GRIK4: variants seen among roughly 807,000 people sequenced by gnomAD.
The protein encoded by GRIK4 is glutamate receptor ionotropic, kainate 4.
GRIK4 carries 40 observed loss-of-function variants against 104.9 expected under a neutral mutation model. That is an observed-to-expected ratio of 0.38 (90% confidence interval 0.30 to 0.50). The LOEUF (loss-of-function observed/expected upper bound fraction) is 0.50, where lower values mean the gene tolerates loss of function less well. Ranked by LOEUF, GRIK4 falls within the 20% of genes least tolerant of loss-of-function variation. The pLI is 0.93. For missense variants in GRIK4, 1,047 were observed against 1,308.1 expected (o/e 0.80, Z 3.08); for synonymous variants, 485 against 524.9 (o/e 0.92, Z 1.04).
intron 1 of GRIK4, among the ~76,000 whole-genome samples, chr11:120,594,956 G>A (rs970280063): frequency 6.6e-6 from 1 of 152,190 alleles, no homozygotes; most frequent in African/African-American, 2.4e-5. Context: ...CACCCCCAGC[G>A]AGGGAGACAC....
rs532867929 is a variant in GRIK4, at chr11:120,856,419, G to T, written c.745-5540G>T. 8.7e-4 allele frequency among the ~76,000 whole-genome samples: 133 copies of T among 152,296 alleles called. 1 individual carries two copies. The highest frequency in any genetic ancestry group is 3.1e-3 in the African/African-American group (127 of 41,566). ...GTGGCTAGGTATCCTAAGATCAGAG[G>T]CACGATCTCCATTAAATAGCAGCTA... On this transcript the variant is annotated intron_variant, in intron 8 of 20. Coordinates refer to ENST00000527524, the MANE Select transcript of GRIK4 (RefSeq NM_014619.5).
intron 3 of GRIK4, among the ~76,000 whole-genome samples, chr11:120,782,180 C>T (rs1418469329): frequency 6.6e-6 from 1 of 152,192 alleles, no homozygotes; most frequent in Non-Finnish European, 1.5e-5. Context: ...CTGTCTGCCT[C>T]CTCAGCTAGA....
rs748366147 is a variant in GRIK4, at chr11:120,956,810, C to T, written c.1731C>T (p.His577=). The change falls in exon 16 of 21, where the codon CAC becomes CAT. Residue 577 remains histidine, a synonymous_variant. Transcript: ENST00000527524. This position sits in a 1 kb window ranked among gnomAD's most constrained non-coding sequence, Gnocchi z 4.6. ...RLTPYEWYSP[H]PCAQGRCNLL... ...CGCCCTACGAGTGGTACAGCCCACA[C>T]CCATGTGCCCAGGGCCGGTGCAACC... The T allele has an allele frequency of 1.6e-5, 26 of 1,612,918 alleles. No individual in the cohort carries two copies. The highest frequency in any genetic ancestry group is 1.5e-4 in the Admixed American group (9 of 59,918).
intron 14 of GRIK4, among the ~76,000 whole-genome samples, chr11:120,943,493 G>T (rs1023395429): frequency 2.6e-5 from 4 of 152,128 alleles, no homozygotes; most frequent in African/African-American, 9.7e-5. Context: ...AGGAAGATCT[G>T]CTGTGGCTAA....
chr11:120,641,273 A>G (rs576771577), intron 1 of GRIK4, among the ~76,000 whole-genome samples: 1 of 152,232 alleles, frequency 6.6e-6, no homozygotes, highest in Non-Finnish European at 1.5e-5. Context: ...CTGAATTAGT[A>G]TAAAGATTTT....
chr11:120,868,918 C>G (rs1347446785), intron 9 of GRIK4: 1 of 152,182 alleles, frequency 6.6e-6, no homozygotes, highest in African/African-American at 2.4e-5. Flanking sequence ...AACTGCTTCT[C>G]CCTGACTGTA....
At chr11:120,766,964 G>A (rs913673019) in intron 3 of GRIK4, among the ~76,000 whole-genome samples, 3 of 152,070 alleles carry the variant, frequency 2.0e-5, no homozygotes, top group African/African-American at 7.2e-5. Flanking sequence ...TGGATATGTA[G>A]GTTGTTTCCA....
Position 120,694,575 on chromosome 11 carries a change from TG to T in GRIK4, c.82+34181del, listed in dbSNP as rs1950412223. On this transcript the variant is annotated intron_variant, in intron 3 of 20. Coordinates refer to ENST00000527524, the MANE Select transcript of GRIK4 (RefSeq NM_014619.5). ...TTCACTGCAGCCACTGAGGGTGCTC[TG>T]GGGGGCATAGTTTGGAAACCAGAAA... Among the ~76,000 whole-genome samples the T allele has an allele frequency of 3.9e-5, 6 of 152,156 alleles. No individual in the cohort carries two copies. The South Asian group carries it at 1.2e-3, about 32-fold the overall frequency.
At chr11:120,975,322 G>T (rs1393332048) in intron 19 of GRIK4, among the ~76,000 whole-genome samples, 1 of 152,156 alleles carries the variant, frequency 6.6e-6, no homozygotes, top group Admixed American at 6.5e-5. Flanking sequence ...GGTTATCCTG[G>T]TTCTCTGGTT....
chr11:120,937,487 G>A (rs1414398316), intron 13 of GRIK4, among the ~76,000 whole-genome samples: 1 of 152,110 alleles, frequency 6.6e-6, no homozygotes, highest in African/African-American at 2.4e-5. Context: ...TGCAAGAAAC[G>A]ACCGCCACAA....
At chr11:120,787,860 T>C (rs1303444797) in intron 3 of GRIK4, among the ~76,000 whole-genome samples, 15 of 16,160 alleles carry the variant, frequency 9.3e-4, no homozygotes, top group South Asian at 0.01. Context: ...TTCTTTTTTT[T>C]TTTTTTTTTT....
At chr11:120,921,370 T>A (rs1177315409) in intron 13 of GRIK4, among the ~76,000 whole-genome samples, 1 of 152,212 alleles carries the variant, frequency 6.6e-6, no homozygotes, top group African/African-American at 2.4e-5. Flanking sequence ...GTTGGATGGA[T>A]GCTGTAAAGG....
Position 120,903,261 on chromosome 11 carries a change from G to C in GRIK4, c.1273-2029G>C, listed in dbSNP as rs1216038332. 6.6e-6 allele frequency among the ~76,000 whole-genome samples: 1 copy of C among 152,040 alleles called. No homozygotes were observed. Among genetic ancestry groups the C allele is most frequent in the Non-Finnish European group, 1.5e-5 (1 of 67,996 alleles). ...CTGCAGCCGGGCCTTGGTAATCCCTGAGCCCAGCTCTCCTCTGTCCCTGTC... is the reference window on the plus strand; with the variant it reads ...CTGCAGCCGGGCCTTGGTAATCCCTCAGCCCAGCTCTCCTCTGTCCCTGTC... On this transcript the variant is annotated intron_variant, in intron 12 of 20. Transcript: ENST00000527524. This position sits in a 1 kb window ranked among gnomAD's most constrained non-coding sequence, Gnocchi z 4.4.
At chr11:120,581,085 C>G (rs1025069894) in intron 1 of GRIK4, among the ~76,000 whole-genome samples, 6 of 152,138 alleles carry the variant, frequency 3.9e-5, no homozygotes, top group Non-Finnish European at 8.8e-5. Flanking sequence ...AAGTATCTTT[C>G]AGTCTTTTGT....
At chr11:120,963,693 A>T (rs114955048) in intron 18 of GRIK4, among the ~76,000 whole-genome samples, 92 of 152,288 alleles carry the variant, frequency 6.0e-4, no homozygotes, top group African/African-American at 2.1e-3. Flanking sequence ...AACTCTGTAA[A>T]TTGCAGGATT....
intron 3 of GRIK4, among the ~76,000 whole-genome samples, chr11:120,678,420 G>A (rs747120354): frequency 1.3e-5 from 2 of 152,066 alleles, no homozygotes; most frequent in Admixed American, 6.5e-5. Flanking sequence ...TCCAAATGAT[G>A]TTTAACCAGG....
chr11:120,819,515 C>T lies in GRIK4; in HGVS notation c.346-240C>T, dbSNP rs552068254. On this transcript the variant is annotated intron_variant, in intron 5 of 20. Coordinates refer to ENST00000527524, the MANE Select transcript of GRIK4 (RefSeq NM_014619.5). The surrounding 1 kb of genome is among the most constrained non-coding windows in gnomAD (Gnocchi z 4.3). ...CTTGCAGACCCACGGTGCATTCATC[C>T]GGGTCTCTGGACAAATAGTTTTCTG... is the stretch of plus-strand genomic sequence containing the variant. Among the ~76,000 whole-genome samples the T allele has an allele frequency of 2.2e-4, 33 of 152,302 alleles. No homozygotes were observed. The highest frequency in any genetic ancestry group is 6.5e-4 in the African/African-American group (27 of 41,556).
At chr11:120,631,423 C>T (rs1049488569) in intron 1 of GRIK4, among the ~76,000 whole-genome samples, 5 of 152,158 alleles carry the variant, frequency 3.3e-5, no homozygotes, top group Admixed American at 6.5e-5. Flanking sequence ...CAGGATGTGA[C>T]GCTACTAAAG....
intron 1 of GRIK4, among the ~76,000 whole-genome samples, chr11:120,600,056 C>A (rs1948863367): frequency 6.6e-6 from 1 of 152,202 alleles, no homozygotes; most frequent in South Asian, 2.1e-4. Context: ...CATCCGCCCA[C>A]TCTGCAGGTG....
Sources: gnomAD v4.1 joint callset for allele counts (sites outside exome capture counted in the v4.1 genomes callset) on GRCh38, gnomAD v4.1.1 for gene constraint, Gnocchi (gnomAD v3.1) non-coding constraint, MANE v1.5 for transcripts, NCBI Gene and HGNC (gene_info 2026-07-23, HGNC 2026-07-21) for gene names.